The following SPATC1 variants were observed in gnomAD, a reference collection of about 807,000 sequenced individuals.
The protein encoded by SPATC1 is speriolin.
In SPATC1, 35 loss-of-function variants were observed where a neutral mutation model predicts 36.5. That is an observed-to-expected ratio of 0.96 (90% CI 0.73 to 1.27). The LOEUF (loss-of-function observed/expected upper bound fraction) is 1.27, where lower values mean the gene tolerates loss of function less well. SPATC1 is among the 50% of genes most tolerant of loss of function. The pLI is 0.00. For missense variants in SPATC1, 779 were observed against 796.0 expected (o/e 0.98, Z 0.26); for synonymous variants, 361 against 353.6 (o/e 1.02, Z -0.24).
intron 4 of SPATC1, among the ~76,000 whole-genome samples, chr8:144,042,311 A>ATT (rs1184651892): frequency 1.9e-3 from 46 of 23,880 alleles, no homozygotes; most frequent in South Asian, 3.3e-3. Flanking sequence ...ATATATATAT[A>ATT]TTTTTTTTTT....
chr8:144,038,302 A>G (rs1252898736), intron 1 of SPATC1, among the ~76,000 whole-genome samples: 6 of 149,464 alleles, frequency 4.0e-5, no homozygotes, highest in African/African-American at 1.2e-4. Flanking sequence ...GCCTGGTGGC[A>G]CACACCTGTA....
chr8:144,020,994 C>A (rs1245687252), intron 1 of SPATC1, among the ~76,000 whole-genome samples: 1 of 145,460 alleles, frequency 6.9e-6, no homozygotes, highest in African/African-American at 2.6e-5. Context: ...CCCTCAGGAA[C>A]CTCTTCCCTG....
intron 1 of SPATC1, among the ~76,000 whole-genome samples, chr8:144,033,802 C>T (rs1834845163): frequency 1.3e-5 from 2 of 152,164 alleles, no homozygotes; most frequent in African/African-American, 4.8e-5. Context: ...TGGCTTTTCT[C>T]AGTCCATGCT....
chr8:144,041,893 A>T, intron 4 of SPATC1: 1 of 954,292 alleles, frequency 1.0e-6, no homozygotes, highest in Non-Finnish European at 1.2e-6. Flanking sequence ...AGCTACTGTG[A>T]GCTGCGTGGG....
chr8:144,023,066 C>A (rs1481295251), intron 1 of SPATC1, among the ~76,000 whole-genome samples: 1 of 150,640 alleles, frequency 6.6e-6, no homozygotes, highest in Non-Finnish European at 1.5e-5. Flanking sequence ...TCAGGTCCCT[C>A]TCCCCTAAGG....
chr8:144,012,563 G>C lies in SPATC1; in HGVS notation c.48G>C (p.Arg16Ser). Residue 16 changes from arginine (R) to serine (S), a missense_variant, in exon 1 of 5, where the codon AGG (arginine) becomes AGC (serine). Transcript: ENST00000377470. ...NYEGLRHQIE[R>S]LVRENEELKK... Reference sequence around the variant, plus strand: ...AAGGGCTTCGGCATCAGATAGAGAGGCTGGTGCGGGAAAATGAGGAACTGA... The same window carrying C: ...AAGGGCTTCGGCATCAGATAGAGAGCCTGGTGCGGGAAAATGAGGAACTGA... 1.3e-6 allele frequency: 2 copies of C among 1,551,754 alleles called. No homozygotes were observed. The highest frequency in any genetic ancestry group is 1.7e-6 in the Non-Finnish European group (2 of 1,146,998).
intron 4 of SPATC1, among the ~76,000 whole-genome samples, chr8:144,042,971 TGCACC>T (rs1835156263): frequency 6.6e-6 from 1 of 150,854 alleles, no homozygotes; most frequent in African/African-American, 2.5e-5. Flanking sequence ...ACTACGGGCA[TGCACC>T]AACACACCTG....
intron 1 of SPATC1, among the ~76,000 whole-genome samples, chr8:144,027,560 A>G (rs1834710568): frequency 6.6e-6 from 1 of 152,200 alleles, no homozygotes; most frequent in Non-Finnish European, 1.5e-5. Context: ...TTTTATTCTA[A>G]GAGTTCTATG....
intron 1 of SPATC1, among the ~76,000 whole-genome samples, chr8:144,038,471 A>T (rs1229519115): frequency 2.7e-5 from 4 of 150,466 alleles, no homozygotes; most frequent in African/African-American, 4.9e-5. Flanking sequence ...CTTCTTTAAA[A>T]TTATTATTTT....
At chr8:144,027,214 T>A (rs1834702947) in intron 1 of SPATC1, among the ~76,000 whole-genome samples, 1 of 152,106 alleles carries the variant, frequency 6.6e-6, no homozygotes, top group Non-Finnish European at 1.5e-5. Flanking sequence ...ACTCAAATGA[T>A]CCTGCCACCT....
chr8:144,042,602 G>A (rs1554756283), intron 4 of SPATC1, among the ~76,000 whole-genome samples: 1 of 151,892 alleles, frequency 6.6e-6, no homozygotes, highest in Non-Finnish European at 1.5e-5. Context: ...GATGACAGGC[G>A]TGAGCCACCG....
Position 144,045,452 on chromosome 8 carries a change from A to G in SPATC1, c.1447-1175A>G, listed in dbSNP as rs1397151441. ...CTTCCCCGAGGGGTGGTGCCTGAAC[A>G]GCTTGTGTGGGCAAGGAGTAGGGAA... On this transcript the variant is annotated intron_variant, in intron 4 of 4. Coordinates refer to ENST00000377470, the MANE Select transcript of SPATC1 (RefSeq NM_198572.3). The surrounding 1 kb of genome is among the most constrained non-coding windows in gnomAD (Gnocchi z 5.2). Among the ~76,000 whole-genome samples the G allele has an allele frequency of 6.6e-6, 1 of 152,198 alleles. No homozygotes were observed. The highest frequency in any genetic ancestry group is 1.5e-5 in the Non-Finnish European group (1 of 68,040).
rs903944041 is a variant in SPATC1 at position 144,020,028 on chromosome 8, C to T, written c.211+7302C>T. Among the ~76,000 whole-genome samples the T allele has an allele frequency of 3.5e-4, 53 of 152,100 alleles. No individual in the cohort carries two copies. In the South Asian group the frequency reaches 0.01, roughly 30 times the overall value. The stretch of plus-strand genomic sequence containing the variant: ...GTCACAGTTTCCCTCACACGAGAAC[C>T]TGCCTTGAATTCAGGACCTGCGAAC... On this transcript the variant is annotated intron_variant, in intron 1 of 4. Transcript: ENST00000377470.
chr8:144,047,059 G>A lies in SPATC1; in HGVS notation c.*103G>A. The A allele has an allele frequency of 7.2e-7, 1 of 1,392,214 alleles. No individual in the cohort carries two copies. Among genetic ancestry groups the A allele is most frequent in the Non-Finnish European group, 9.6e-7 (1 of 1,038,792 alleles). The allele number at this position is 1,392,214 out of a possible 1,614,324, so 86.2% of individuals were successfully genotyped here. A position where few individuals can be genotyped will look rare whatever the true frequency, so the allele number is the denominator to read the frequency against. ...TCGCTGGGCCTGTGCCAGCGCTCCT[G>A]GGTGGTGCTGCCTCCTCTGGGGTGG... On this transcript the variant is annotated 3_prime_UTR_variant, in exon 5 of 5. Transcript: ENST00000377470. This position sits in a 1 kb window ranked among gnomAD's most constrained non-coding sequence, Gnocchi z 4.1.
chr8:144,026,993 T>C (rs1834694907), intron 1 of SPATC1, among the ~76,000 whole-genome samples: 1 of 144,938 alleles, frequency 6.9e-6, no homozygotes, highest in South Asian at 2.2e-4. Context: ...TTTTCTTTTT[T>C]TTTTTTTTTT....
At chr8:144,037,650 C>T (rs571128156) in intron 1 of SPATC1, among the ~76,000 whole-genome samples, 8 of 151,882 alleles carry the variant, frequency 5.3e-5, no homozygotes, top group Non-Finnish European at 8.8e-5. Flanking sequence ...ATCTCAAGTA[C>T]CCAGGGACAC....
chr8:144,027,003 T>TTTTTTTTTTTTG (rs1834695705), intron 1 of SPATC1, among the ~76,000 whole-genome samples: 1 of 147,248 alleles, frequency 6.8e-6, no homozygotes, highest in Non-Finnish European at 1.5e-5. Context: ...TTTTTTTTTT[T>TTTTTTTTTTTTG]TTGGATTTTT....
rs1554755831 is a variant in SPATC1 at position 144,040,869 on chromosome 8, C to T, written c.1068C>T (p.His356=). The change falls in exon 3 of 5, where the codon CAC becomes CAT. Residue 356 remains histidine, a synonymous_variant. Transcript: ENST00000377470. ...GCTACACACCCTCAAGCACCACCCA[C>T]ATCGCCCAGGGTGCCCCCCATCCCC... ...ATSYTPSSTT[H]IAQGAPHPPS... is the part of the protein sequence containing the mutation. 6.3e-7 allele frequency: 1 copy of T among 1,587,764 alleles called. No homozygotes were observed. Among genetic ancestry groups the T allele is most frequent in the South Asian group, 1.1e-5 (1 of 87,390 alleles).
At chr8:144,027,872 A>C (rs1437942845) in intron 1 of SPATC1, among the ~76,000 whole-genome samples, 1 of 152,068 alleles carries the variant, frequency 6.6e-6, no homozygotes. Flanking sequence ...GCACACCTAT[A>C]ATCCCAGCTA....
Sources: gnomAD v4.1 joint callset for allele counts (sites outside exome capture counted in the v4.1 genomes callset) on GRCh38, gnomAD v4.1.1 for gene constraint, Gnocchi (gnomAD v3.1) non-coding constraint, MANE v1.5 for transcripts, NCBI Gene and HGNC (gene_info 2026-07-23, HGNC 2026-07-21) for gene names.